PAPOLA: variants seen among roughly 807,000 people sequenced by gnomAD.
PAPOLA encodes the protein poly(A) polymerase alpha.
PAPOLA carries 15 observed loss-of-function variants against 100.6 expected under a neutral mutation model. That is an observed-to-expected ratio of 0.15 (90% CI 0.10 to 0.23). The LOEUF (loss-of-function observed/expected upper bound fraction) is 0.23, where lower values mean the gene tolerates loss of function less well. Among genes scored for constraint, PAPOLA ranks in the 10% least tolerant of loss-of-function variants. PAPOLA has a pLI of 1.00. For missense variants in PAPOLA, 533 were observed against 884.2 expected (o/e 0.60, Z 5.04); for synonymous variants, 293 against 300.0 (o/e 0.98, Z 0.24).
At chr14:96,550,976 T>C in intron 16 of PAPOLA, among the ~76,000 whole-genome samples, 1 of 152,214 alleles carries the variant, frequency 6.6e-6, no homozygotes, top group East Asian at 1.9e-4. Context: ...AACCTTGCCC[T>C]GGGTTATGTA....
intron 1 of PAPOLA, among the ~76,000 whole-genome samples, chr14:96,518,924 G>T (rs1263743471): frequency 2.0e-5 from 3 of 151,874 alleles, no homozygotes; most frequent in Non-Finnish European, 2.9e-5. Flanking sequence ...GGGTGTGGTG[G>T]CATGCACCTG....
rs139731331 is a variant in PAPOLA at position 96,534,551 on chromosome 14, A to G, written c.897A>G (p.Val299=). 3.7e-6 allele frequency: 6 copies of G among 1,613,804 alleles called. No homozygotes were observed. The African/African-American group carries it at 8.0e-5, about 22-fold the overall frequency. Residue 299 remains valine (V), a synonymous_variant, in exon 10 of 22, where the codon GTA becomes GTG. Coordinates refer to ENST00000216277, the MANE Select transcript of PAPOLA (RefSeq NM_032632.5). ...AAGAATGCAATCTTAATTTGCCTGTATGGGACCCAAGGGTTAGTGTATTAT... is the reference window on the plus strand; with the variant it reads ...AAGAATGCAATCTTAATTTGCCTGTGTGGGACCCAAGGGTTAGTGTATTAT... ...QPEECNLNLP[V]WDPRVNPSDR...
chr14:96,556,086 A>C, intron 18 of PAPOLA, 89 bp from the exon 19 acceptor site: 1 of 1,246,546 alleles, frequency 8.0e-7, no homozygotes. Context: ...AAAGTTATTC[A>C]TGAAATCAAA....
chr14:96,543,072 C>T (rs1238146451), intron 14 of PAPOLA, among the ~76,000 whole-genome samples, 179 bp downstream of exon 14: 6 of 152,028 alleles, frequency 3.9e-5, no homozygotes, highest in South Asian at 2.1e-4. Context: ...AAGACTGTTT[C>T]GTGAGAAAAA....
At chr14:96,530,440 G>T (rs1348748303) in intron 6 of PAPOLA, among the ~76,000 whole-genome samples, 3 of 151,038 alleles carry the variant, frequency 2.0e-5, no homozygotes, top group African/African-American at 7.3e-5. Flanking sequence ...CAGGCTAGAG[G>T]CAGTGTTGCA....
chr14:96,534,978 A>G lies in PAPOLA; in HGVS notation c.909+415A>G, dbSNP rs908995725. Reference sequence around the variant, plus strand: ...TACTTAATGTTTACATGTGGCATATAACTTCTAAGCATTTTCACTTTAATT... The same window carrying G: ...TACTTAATGTTTACATGTGGCATATGACTTCTAAGCATTTTCACTTTAATT... On this transcript the variant is annotated intron_variant, in intron 10 of 21. Coordinates refer to ENST00000216277, the MANE Select transcript of PAPOLA (RefSeq NM_032632.5). 8.1e-6 allele frequency: 8 copies of G among 987,506 alleles called. No homozygotes were observed. The South Asian group carries it at 2.3e-4, about 29-fold the overall frequency. 61.2% of individuals were successfully genotyped at this position (987,506 alleles called of 1,614,324 possible). A position where few individuals can be genotyped will look rare whatever the true frequency, so the allele number is the denominator to read the frequency against.
rs138354526 is a variant in PAPOLA at position 96,513,509 on chromosome 14, A to G, written c.9-6546A>G. On this transcript the variant is annotated intron_variant, in intron 1 of 21. Coordinates refer to ENST00000216277, the MANE Select transcript of PAPOLA (RefSeq NM_032632.5). The stretch of plus-strand genomic sequence containing the variant: ...ATAGATCGCTGGAGATAAAGTTGCT[A>G]GACAAACTTTTAAAATTGGTATGTG... Among the ~76,000 whole-genome samples the G allele has an allele frequency of 2.8e-4, 43 of 152,332 alleles. 1 individual carries two copies. In the East Asian group the frequency reaches 7.5e-3, roughly 27 times the overall value.
intron 1 of PAPOLA, among the ~76,000 whole-genome samples, chr14:96,516,137 A>G (rs1897442913): frequency 6.6e-6 from 1 of 152,228 alleles, no homozygotes; most frequent in South Asian, 2.1e-4. Context: ...ACTTCCATTT[A>G]AAGTGTTACA....
intron 6 of PAPOLA, among the ~76,000 whole-genome samples, chr14:96,529,890 G>A (rs551456718): frequency 1.3e-4 from 20 of 152,226 alleles, no homozygotes; most frequent in African/African-American, 2.6e-4. Context: ...TTTTGTCAGC[G>A]GAATTCTATG....
chr14:96,557,899 G>A (rs995032048), intron 19 of PAPOLA, among the ~76,000 whole-genome samples: 41 of 152,002 alleles, frequency 2.7e-4, no homozygotes, highest in African/African-American at 9.6e-4. Flanking sequence ...TGTAAATGCT[G>A]TTTAAATTGT....
rs1217604385 is a variant in PAPOLA at position 96,515,048 on chromosome 14, T to C, written c.9-5007T>C. 3.3e-5 allele frequency among the ~76,000 whole-genome samples: 5 copies of C among 152,170 alleles called. 1 individual carries two copies. The highest frequency in any genetic ancestry group is 4.1e-4 in the South Asian group (2 of 4,830). ...TAGGAAGACATACTTAGTAGTAATA[T>C]GCATGGTGGAACCATGTGACAAAGG... On this transcript the variant is annotated intron_variant, in intron 1 of 21. Coordinates refer to ENST00000216277, the MANE Select transcript of PAPOLA (RefSeq NM_032632.5).
intron 9 of PAPOLA, 158 bp from the exon 10 acceptor site, chr14:96,534,333 T>A: frequency 2.9e-6 from 4 of 1,381,030 alleles, no homozygotes; most frequent in Non-Finnish European, 3.7e-6. Flanking sequence ...GAAAAAGATT[T>A]TGAGTAGTCT....
chr14:96,555,822 C>T, intron 17 of PAPOLA, 25 bp from the exon 18 acceptor site: 1 of 1,226,928 alleles, frequency 8.2e-7, no homozygotes, highest in African/African-American at 1.5e-5. Flanking sequence ...AATTTTGAGA[C>T]AATTTTTAAT....
At chr14:96,563,833 ACT>A (rs1902067944) in intron 21 of PAPOLA, among the ~76,000 whole-genome samples, 1 of 152,042 alleles carries the variant, frequency 6.6e-6, no homozygotes, top group African/African-American at 2.4e-5. Flanking sequence ...ACGTGGACAA[ACT>A]TGTTTATCAG....
chr14:96,512,760 T>G (rs1009639374), intron 1 of PAPOLA, among the ~76,000 whole-genome samples: 2 of 152,220 alleles, frequency 1.3e-5, no homozygotes, highest in African/African-American at 2.4e-5. Context: ...TGATGGATAT[T>G]TAGGTGGTTT....
intron 1 of PAPOLA, among the ~76,000 whole-genome samples, chr14:96,518,649 G>A (rs1191604451): frequency 4.6e-5 from 7 of 151,866 alleles, no homozygotes; most frequent in African/African-American, 7.2e-5. Context: ...CGCCCACCTC[G>A]GCCTCCCAAA....
At chr14:96,538,904 T>C (rs568969786) in intron 12 of PAPOLA, among the ~76,000 whole-genome samples, 6 of 152,190 alleles carry the variant, frequency 3.9e-5, no homozygotes, top group African/African-American at 1.2e-4. Context: ...TCAGTTGATA[T>C]GTGTAGGATT....
At chr14:96,502,906 C>A (rs1304558509) in intron 1 of PAPOLA, 1 of 380,664 alleles carries the variant, frequency 2.6e-6, no homozygotes, top group Non-Finnish European at 4.7e-6. Flanking sequence ...TTCTCCGCCC[C>A]GTCCACAAAG....
intron 19 of PAPOLA, among the ~76,000 whole-genome samples, chr14:96,558,959 TAA>T (rs1283009823): frequency 6.6e-6 from 1 of 151,976 alleles, no homozygotes; most frequent in African/African-American, 2.4e-5. Context: ...TTGATATCTC[TAA>T]GTGTCCTTTA....
Sources: gnomAD v4.1 joint callset for allele counts (sites outside exome capture counted in the v4.1 genomes callset) on GRCh38, gnomAD v4.1.1 for gene constraint, MANE v1.5 for transcripts, NCBI Gene and HGNC (gene_info 2026-07-23, HGNC 2026-07-21) for gene names.